Variants in ACSS3 observed in about 807,000 individuals in gnomAD.
The protein encoded by ACSS3 is acyl-CoA synthetase short chain family member 3.
In ACSS3, 64 loss-of-function variants were observed where a neutral mutation model predicts 84.2. The ratio of observed to expected loss-of-function variants is 0.76; its 90% confidence interval spans 0.62 to 0.94. The LOEUF (loss-of-function observed/expected upper bound fraction) is 0.94. Among genes scored for constraint, ACSS3 ranks in the 40% least tolerant of loss-of-function variants. The pLI is 0.00. For synonymous variants in ACSS3, 317 were observed against 310.1 expected (o/e 1.02, Z -0.23); for missense variants, 815 against 867.6 (o/e 0.94, Z 0.76).
At chr12:81,188,628 C>A (rs950663876) in intron 8 of ACSS3, among the ~76,000 whole-genome samples, 3 of 151,980 alleles carry the variant, frequency 2.0e-5, no homozygotes, top group Non-Finnish European at 4.4e-5. Flanking sequence ...AGAATGTATT[C>A]TTTGATACCT....
rs778371758 is a variant in ACSS3 at position 81,174,818 on chromosome 12, G to A, written c.1129G>A (p.Ala377Thr). The A allele has an allele frequency of 9.9e-6, 16 of 1,613,496 alleles. No individual in the cohort carries two copies. The highest frequency in any genetic ancestry group is 4.5e-5 in the East Asian group (2 of 44,872). The change falls in exon 8 of 16, where the codon GCT (alanine) becomes ACT (threonine). Residue 377 changes from alanine to threonine, a missense_variant. Coordinates refer to ENST00000548058, the MANE Select transcript of ACSS3 (RefSeq NM_024560.4). The part of the protein sequence containing the change: ...GKPVGTPDAG[A>T]YFRVLAEHGV... Reference sequence around the variant, plus strand: ...GCCTGTGGGAACACCAGATGCTGGCGCTTATTTCCGTGTGCTTGCAGAGCA... The same window carrying A: ...GCCTGTGGGAACACCAGATGCTGGCACTTATTTCCGTGTGCTTGCAGAGCA...
chr12:81,133,536 G>A lies in ACSS3; in HGVS notation c.457-1280G>A, dbSNP rs144096381. 2.4e-3 allele frequency among the ~76,000 whole-genome samples: 360 copies of A among 151,884 alleles called. 4 individuals are homozygous for A. The East Asian group carries it at 0.059, about 25-fold the overall frequency. On this transcript the variant is annotated intron_variant, in intron 2 of 15. Coordinates refer to ENST00000548058, the MANE Select transcript of ACSS3 (RefSeq NM_024560.4). ...TTTGTATTTCACTGATGTTCTCTTT[G>A]CCTGAAATAGTACATTCATAGATAT...
At chr12:81,205,271 T>A (rs1242894481) in intron 9 of ACSS3, among the ~76,000 whole-genome samples, 1 of 152,130 alleles carries the variant, frequency 6.6e-6, no homozygotes, top group Non-Finnish European at 1.5e-5. Flanking sequence ...GTTATTAAAA[T>A]GTGTCAGGGC....
At chr12:81,092,300 A>T (rs1881720433) in intron 1 of ACSS3, among the ~76,000 whole-genome samples, 1 of 152,186 alleles carries the variant, frequency 6.6e-6, no homozygotes, top group Non-Finnish European at 1.5e-5. Context: ...TCTAAAAAAC[A>T]ATGTTACACA....
At chr12:81,122,885 T>A (rs1218872276) in intron 2 of ACSS3, among the ~76,000 whole-genome samples, 1 of 152,200 alleles carries the variant, frequency 6.6e-6, no homozygotes, top group African/African-American at 2.4e-5. Flanking sequence ...GTACAGAAAG[T>A]AATCAACTTT....
chr12:81,094,182 C>CTGTG (rs1461559245), intron 1 of ACSS3, among the ~76,000 whole-genome samples: 247 of 124,600 alleles, frequency 2.0e-3, no homozygotes, highest in Non-Finnish European at 3.8e-3. Flanking sequence ...CTGTCTCTCT[C>CTGTG]TCTGTGTGTG....
chr12:81,107,768 G>A (rs1883199392), intron 1 of ACSS3, among the ~76,000 whole-genome samples: 1 of 151,636 alleles, frequency 6.6e-6, no homozygotes, highest in South Asian at 2.1e-4. Context: ...TAGGTTGGGG[G>A]TGGTTGGGAG....
intron 13 of ACSS3, among the ~76,000 whole-genome samples, chr12:81,247,329 C>A (rs555507008): frequency 5.9e-5 from 9 of 152,054 alleles, no homozygotes; most frequent in African/African-American, 2.2e-4. Context: ...AAACCTTAGT[C>A]TTTTTTTGTT....
At chr12:81,181,379 G>A (rs954205149) in intron 8 of ACSS3, among the ~76,000 whole-genome samples, 5 of 152,130 alleles carry the variant, frequency 3.3e-5, no homozygotes, top group Non-Finnish European at 7.4e-5. Flanking sequence ...CCAGCCTGTC[G>A]TCAGGTGAAA....
chr12:81,093,977 T>A (rs961348966), intron 1 of ACSS3, among the ~76,000 whole-genome samples: 2 of 152,164 alleles, frequency 1.3e-5, no homozygotes, highest in Non-Finnish European at 2.9e-5. Context: ...AAGTGTTTTT[T>A]CCATTTTTCT....
intron 7 of ACSS3, among the ~76,000 whole-genome samples, chr12:81,160,802 G>A (rs1887112244): frequency 6.6e-6 from 1 of 152,078 alleles, no homozygotes; most frequent in Non-Finnish European, 1.5e-5. Context: ...TAGTGTTTGA[G>A]AGGAAGCATA....
At chr12:81,197,018 A>G (rs2031869892) in intron 8 of ACSS3, among the ~76,000 whole-genome samples, 2 of 152,150 alleles carry the variant, frequency 1.3e-5, no homozygotes, top group Admixed American at 1.3e-4. Context: ...TAATAAGATA[A>G]TTTTATTCTG....
intron 7 of ACSS3, among the ~76,000 whole-genome samples, chr12:81,164,781 T>C (rs924297732): frequency 2.6e-5 from 4 of 152,232 alleles, no homozygotes; most frequent in African/African-American, 9.6e-5. Flanking sequence ...AAGAATTTTG[T>C]ATTTTTATTT....
chr12:81,115,027 A>C (rs1565983556), intron 2 of ACSS3, among the ~76,000 whole-genome samples: 1 of 152,078 alleles, frequency 6.6e-6, no homozygotes. Flanking sequence ...GGATTTTTTC[A>C]CTCAACTTTC....
At chr12:81,181,930 G>A (rs917592213) in intron 8 of ACSS3, among the ~76,000 whole-genome samples, 14 of 152,000 alleles carry the variant, frequency 9.2e-5, no homozygotes, top group African/African-American at 2.9e-4. Context: ...ATTAAGTGAA[G>A]AAGTATTGCA....
At chr12:81,158,919 G>A (rs1054077975) in intron 7 of ACSS3, among the ~76,000 whole-genome samples, 12 of 152,068 alleles carry the variant, frequency 7.9e-5, no homozygotes, top group African/African-American at 2.4e-4. Context: ...CTGTACTAAG[G>A]AAGGAGTCAT....
intron 1 of ACSS3, among the ~76,000 whole-genome samples, chr12:81,093,223 G>A (rs775396245): frequency 9.9e-5 from 15 of 152,124 alleles, no homozygotes; most frequent in Non-Finnish European, 1.9e-4. Context: ...GCCAAGGTAA[G>A]CGGATCAATT....
rs192930451 is a variant in ACSS3, at chr12:81,212,307, A to G, written c.1355-4594A>G. ...CAGTTCTAACAACAGCACCTAGCAC[A>G]TAATAGCTGCTCAAAAACTATTTGC... On this transcript the variant is annotated intron_variant, in intron 9 of 15. Coordinates refer to ENST00000548058, the MANE Select transcript of ACSS3 (RefSeq NM_024560.4). Among the ~76,000 whole-genome samples, 216 of 152,338 alleles carry G rather than the reference A, an allele frequency of 1.4e-3. 1 individual carries two copies. The highest frequency in any genetic ancestry group is 2.5e-3 in the Non-Finnish European group (167 of 68,024).
At chr12:81,227,448 A>ATT (rs2033309072) in intron 11 of ACSS3, among the ~76,000 whole-genome samples, 2 of 151,610 alleles carry the variant, frequency 1.3e-5, no homozygotes, top group East Asian at 3.9e-4. Flanking sequence ...TGAGCAGACC[A>ATT]TTTATACTTG....
Sources: allele counts gnomAD v4.1 joint callset (sites outside exome capture counted in the v4.1 genomes callset), GRCh38; gene constraint gnomAD v4.1.1; transcripts MANE v1.5; gene names NCBI Gene and HGNC (gene_info 2026-07-23, HGNC 2026-07-21).